The following GABBR2 variants were observed in gnomAD, a reference collection of about 807,000 sequenced individuals.
The protein encoded by GABBR2 is gamma-aminobutyric acid type B receptor subunit 2, also known as G-protein coupled receptor 51.
GABBR2 carries 23 observed loss-of-function variants against 105.6 expected under a neutral mutation model. That is an observed-to-expected ratio of 0.22 (90% confidence interval 0.16 to 0.31). The LOEUF (loss-of-function observed/expected upper bound fraction) is 0.31, where lower values mean the gene tolerates loss of function less well. Among genes scored for constraint, GABBR2 ranks in the 10% least tolerant of loss-of-function variants. The pLI is 1.00. For missense variants in GABBR2, 734 were observed against 1,245.5 expected (o/e 0.59, Z 6.18); for synonymous variants, 478 against 499.7 (o/e 0.96, Z 0.58).
chr9:98,708,433 C>T lies in GABBR2; in HGVS notation c.305G>A (p.Arg102Gln). ...SLLRPYFLDL[R>Q]LYDTECDNAK... ...GACACTCACCTCCGTGTCATAGAGC[C>T]GCAGGTCGAGGAAGTAGGGGCGCAG... Residue 102 changes from arginine (R) to glutamine (Q), a missense_variant, in exon 1 of 19, where the codon CGG (arginine) becomes CAG (glutamine). Physicochemically the swap from Arg to Gln is conservative, Grantham distance 43. Transcript: ENST00000259455. The T allele has an allele frequency of 1.3e-6, 2 of 1,527,508 alleles. No homozygotes were observed. The highest frequency in any genetic ancestry group is 1.8e-6 in the Non-Finnish European group (2 of 1,130,316). 94.6% of individuals were successfully genotyped at this position (1,527,508 alleles called of 1,614,324 possible). A position where few individuals can be genotyped will look rare whatever the true frequency, so the allele number is the denominator to read the frequency against.
intron 1 of GABBR2, among the ~76,000 whole-genome samples, chr9:98,642,246 C>T (rs1224127311): frequency 2.0e-5 from 3 of 152,240 alleles, no homozygotes. Flanking sequence ...ACGCTTCCTC[C>T]TCTCCTTCCT....
At chr9:98,307,330 G>A (rs967996222) in intron 14 of GABBR2, among the ~76,000 whole-genome samples, 2 of 152,170 alleles carry the variant, frequency 1.3e-5, no homozygotes, top group East Asian at 3.8e-4. Flanking sequence ...AGGGGAGGGC[G>A]GGCTGCAGGG....
chr9:98,422,972 T>C (rs1832811116), intron 7 of GABBR2, among the ~76,000 whole-genome samples: 1 of 152,172 alleles, frequency 6.6e-6, no homozygotes, highest in Non-Finnish European at 1.5e-5. Context: ...CAGTATTCCA[T>C]GGTGTATATG....
At chr9:98,297,881 G>C (rs1830407133) in intron 17 of GABBR2, among the ~76,000 whole-genome samples, 1 of 150,246 alleles carries the variant, frequency 6.7e-6, no homozygotes, top group Non-Finnish European at 1.5e-5. Context: ...AAAATTAGCT[G>C]GGTGTGGTGG....
At chr9:98,606,905 A>G in intron 1 of GABBR2, 3 of 625,652 alleles carry the variant, frequency 4.8e-6, no homozygotes, top group Non-Finnish European at 8.7e-6. Flanking sequence ...ATCCACATGA[A>G]TTCCTAGGCA....
intron 7 of GABBR2, among the ~76,000 whole-genome samples, chr9:98,436,422 C>A (rs1353308817): frequency 2.1e-5 from 2 of 95,580 alleles, no homozygotes; most frequent in Non-Finnish European, 3.9e-5. Flanking sequence ...GGCGTTCTTT[C>A]TTCTACTACC....
chr9:98,496,225 A>G (rs550699712), intron 4 of GABBR2, among the ~76,000 whole-genome samples, 188 bp downstream of exon 4: 38 of 152,344 alleles, frequency 2.5e-4, no homozygotes, highest in African/African-American at 8.9e-4. Context: ...ACCTCTGGCC[A>G]GTGTTGGAGA....
At chr9:98,425,065 G>A (rs576955952) in intron 7 of GABBR2, among the ~76,000 whole-genome samples, 14 of 151,836 alleles carry the variant, frequency 9.2e-5, no homozygotes, top group African/African-American at 3.1e-4. Context: ...ACTGCTTAAT[G>A]AAAAGGAAGA....
chr9:98,697,738 G>A (rs1378932446), intron 1 of GABBR2, among the ~76,000 whole-genome samples: 1 of 152,180 alleles, frequency 6.6e-6, no homozygotes, highest in East Asian at 1.9e-4. Context: ...AATTCCCAGA[G>A]TCCAGGAAGG....
intron 1 of GABBR2, among the ~76,000 whole-genome samples, chr9:98,610,672 A>T (rs1829492518): frequency 6.6e-6 from 1 of 152,048 alleles, no homozygotes; most frequent in African/African-American, 2.4e-5. Flanking sequence ...GCCAACAGTC[A>T]CCAAAAGCAG....
At chr9:98,313,150 T>C (rs1830661397) in intron 13 of GABBR2, among the ~76,000 whole-genome samples, 1 of 152,254 alleles carries the variant, frequency 6.6e-6, no homozygotes, top group African/African-American at 2.4e-5. Context: ...AACAACTTCA[T>C]GCTGCCTTCT....
chr9:98,344,494 C>A (rs546034190), intron 13 of GABBR2, among the ~76,000 whole-genome samples: 9 of 152,178 alleles, frequency 5.9e-5, no homozygotes, highest in Non-Finnish European at 1.3e-4. Flanking sequence ...GAGCACAGGG[C>A]CAGTTCATGG....
chr9:98,300,917 C>T (rs577340250), intron 16 of GABBR2, among the ~76,000 whole-genome samples: 3 of 152,170 alleles, frequency 2.0e-5, no homozygotes, highest in African/African-American at 7.2e-5. Flanking sequence ...GTCAGTCATG[C>T]CTCGTGTAAT....
At position 98,541,911 on chromosome 9, in the gene GABBR2, C is replaced by T. The variant is rs369347155; in HGVS notation, c.592G>A (p.Val198Met). 2.5e-6 allele frequency: 4 copies of T among 1,614,100 alleles called. No individual in the cohort carries two copies. Among genetic ancestry groups the T allele is most frequent in the South Asian group, 1.1e-5 (1 of 91,090 alleles). The change falls in exon 3 of 19, where the codon GTG becomes ATG. Residue 198 changes from valine (V) to methionine (M), a missense_variant. Around this residue, in one of 7 missense-constraint regions of GABBR2, gnomAD observed 370 missense variants for 648.9 expected, o/e 0.57. Transcript: ENST00000259455. ...KLLKHYQWKR[V>M]GTLTQDVQRF... is the part of the protein sequence containing the mutation. ...TGAACGTCTTGCGTCAGCGTGCCCA[C>T]GCGCTTCCACTGGTAGTGCTTGAGC...
intron 5 of GABBR2, among the ~76,000 whole-genome samples, chr9:98,479,155 C>G (rs553375775): frequency 2.3e-4 from 35 of 152,304 alleles, no homozygotes; most frequent in African/African-American, 7.0e-4. Flanking sequence ...TCTTGCTACT[C>G]TCCACTGATA....
chr9:98,689,112 T>G (rs2131876966), intron 1 of GABBR2, among the ~76,000 whole-genome samples: 1 of 152,326 alleles, frequency 6.6e-6, no homozygotes, highest in Middle Eastern at 3.4e-3. Flanking sequence ...TCTCTGGGCC[T>G]CAGTTTTCTC....
chr9:98,405,274 G>A (rs1028587981), intron 8 of GABBR2, among the ~76,000 whole-genome samples: 10 of 152,136 alleles, frequency 6.6e-5, no homozygotes, highest in Non-Finnish European at 8.8e-5. Flanking sequence ...CCAAAAACAG[G>A]TGGGTGCCAC....
rs1051260334 is a variant in GABBR2 at position 98,293,891 on chromosome 9, C to G, written c.2554G>C (p.Ala852Pro). ...TGATCGAGGTGATTTTTTAAAATGG[C>G]CTTTCCTCCATCTGAATGCAAAACA... ...NFTESTDGGK[A>P]ILKNHLDQNP... The change falls in exon 18 of 19, where the codon GCC becomes CCC. Residue 852 changes from alanine (A) to proline (P), a missense_variant. This residue lies in a region of GABBR2 where 134 missense variants were observed against 171.2 expected (regional missense o/e 0.78). Transcript: ENST00000259455. 1 of 1,601,462 alleles carries G rather than the reference C, an allele frequency of 6.2e-7. No homozygotes were observed. The highest frequency in any genetic ancestry group is 1.7e-5 in the Admixed American group (1 of 59,978).
chr9:98,336,363 T>C (rs1049162209), intron 13 of GABBR2, among the ~76,000 whole-genome samples: 2 of 152,220 alleles, frequency 1.3e-5, no homozygotes, highest in Admixed American at 6.5e-5. Context: ...GGTTTTATTT[T>C]AAATTGGAGA....
Sources: gnomAD v4.1 joint callset for allele counts (sites outside exome capture counted in the v4.1 genomes callset) on GRCh38, gnomAD v4.1.1 for gene constraint, gnomAD v4.1.1 regional missense constraint, MANE v1.5 for transcripts, NCBI Gene and HGNC (gene_info 2026-07-23, HGNC 2026-07-21) for gene names.